Variants in TMEM117 observed in about 807,000 individuals in gnomAD.
The protein encoded by TMEM117 is transmembrane protein 117.
In TMEM117, 27 loss-of-function variants were observed where a neutral mutation model predicts 52.4. The observed-to-expected ratio is 0.51, with a 90% CI of 0.38 to 0.71. The LOEUF (loss-of-function observed/expected upper bound fraction) is 0.71. Ranked by LOEUF, TMEM117 falls within the 30% of genes least tolerant of loss-of-function variation. The probability of loss-of-function intolerance (pLI) is 0.00; values close to 1 mark genes in which losing one functional copy is unlikely to be tolerated. For missense variants in TMEM117, 556 were observed against 630.5 expected, an observed-to-expected ratio of 0.88 and a Z score of 1.26; for synonymous variants, 215 against 206.3, an observed-to-expected ratio of 1.04 and a Z score of -0.36.
chr12:43,805,431 A>G, the TMEM117 span: 1 of 401,330 alleles, frequency 2.5e-6, no homozygotes, highest in South Asian at 1.8e-5. Context: ...AAGACTCGCT[A>G]TTAACAGTAA....
intron 4 of TMEM117, among the ~76,000 whole-genome samples, chr12:44,188,322 T>C (rs1949305470): frequency 6.6e-6 from 1 of 152,160 alleles, no homozygotes; most frequent in South Asian, 2.1e-4. Context: ...TTTTTCCTTA[T>C]TGTTTTTCTG....
At chr12:43,915,016 T>A (rs529626572) in intron 2 of TMEM117, among the ~76,000 whole-genome samples, 1 of 152,146 alleles carries the variant, frequency 6.6e-6, no homozygotes, top group Non-Finnish European at 1.5e-5. Flanking sequence ...GCTTATACTG[T>A]GAGAGGAAAA....
chr12:43,945,109 C>CTAAATAAATAAATAAA (rs71091187), intron 3 of TMEM117, among the ~76,000 whole-genome samples: 84,368 of 141,396 alleles, frequency 0.6, 28,807 homozygotes, highest in Non-Finnish European at 0.75. Flanking sequence ...GACTCCGTCT[C>CTAAATAAATAAATAAA]TAAATAAATA....
chr12:44,030,508 G>C (rs1946616271), intron 3 of TMEM117, among the ~76,000 whole-genome samples: 1 of 152,170 alleles, frequency 6.6e-6, no homozygotes. Flanking sequence ...AGTGTAATGT[G>C]TATTTGAGAC....
At chr12:44,037,400 G>A (rs976343192) in intron 3 of TMEM117, among the ~76,000 whole-genome samples, 2 of 152,226 alleles carry the variant, frequency 1.3e-5, no homozygotes, top group South Asian at 4.1e-4. Flanking sequence ...GCTGAGCCTG[G>A]GTGCTGTCAC....
At position 43,996,377 on chromosome 12, in the gene TMEM117, C is replaced by T. The variant is rs563263245; in HGVS notation, c.410+52035C>T. Among the ~76,000 whole-genome samples, 6 of 152,270 alleles carry T rather than the reference C, an allele frequency of 3.9e-5. No individual in the cohort carries two copies. The East Asian group carries it at 7.7e-4, about 20-fold the overall frequency. On this transcript the variant is annotated intron_variant, in intron 3 of 7. Transcript: ENST00000266534. ...AAACATTATTGGCTGGGGCCAGTGG[C>T]TCACACCTGTAATCCCAGCCCTTTG...
At chr12:43,853,959 T>C (rs1033702736) in intron 2 of TMEM117, among the ~76,000 whole-genome samples, 1 of 151,960 alleles carries the variant, frequency 6.6e-6, no homozygotes, top group African/African-American at 2.4e-5. Flanking sequence ...ACAACTCAGC[T>C]TTTTTTTGGA....
chr12:44,194,736 C>T (rs962424730), intron 4 of TMEM117, among the ~76,000 whole-genome samples: 3 of 152,098 alleles, frequency 2.0e-5, no homozygotes, highest in African/African-American at 7.2e-5. Flanking sequence ...GAGGCTGAGG[C>T]AGGAGGGTCA....
At chr12:44,266,478 T>C (rs1466071150) in intron 5 of TMEM117, among the ~76,000 whole-genome samples, 1 of 152,166 alleles carries the variant, frequency 6.6e-6, no homozygotes, top group African/African-American at 2.4e-5. Context: ...TATTTGTCTT[T>C]TTATGGTTGA....
intron 5 of TMEM117, among the ~76,000 whole-genome samples, chr12:44,242,854 G>A (rs1950080482): frequency 1.3e-5 from 2 of 151,500 alleles, no homozygotes; most frequent in Non-Finnish European, 3.0e-5. Flanking sequence ...TTTCCATAAT[G>A]GTTGAACTAA....
At chr12:43,995,255 TTA>T (rs140936998) in intron 3 of TMEM117, among the ~76,000 whole-genome samples, 7,539 of 150,366 alleles carry the variant, frequency 0.05, 314 homozygotes, top group African/African-American at 0.11. Flanking sequence ...AGGCTCTGTC[TTA>T]AAAAAAAAAA....
chr12:44,357,701 A>G (rs1192838617), intron 6 of TMEM117, among the ~76,000 whole-genome samples: 1 of 152,152 alleles, frequency 6.6e-6, no homozygotes, highest in African/African-American at 2.4e-5. Context: ...AGGAAAGAGA[A>G]TGCTTATACA....
At chr12:44,352,585 G>A (rs1296224786) in intron 6 of TMEM117, among the ~76,000 whole-genome samples, 4 of 151,932 alleles carry the variant, frequency 2.6e-5, no homozygotes, top group African/African-American at 9.7e-5. Context: ...TGTGAATGAT[G>A]GTTTCCAGCT....
At chr12:43,861,038 G>A (rs1943480438) in intron 2 of TMEM117, among the ~76,000 whole-genome samples, 1 of 152,106 alleles carries the variant, frequency 6.6e-6, no homozygotes, top group Non-Finnish European at 1.5e-5. Flanking sequence ...AGAAGTGAAG[G>A]AAGATGCTTT....
At chr12:44,075,968 G>C (rs978202201) in intron 3 of TMEM117, among the ~76,000 whole-genome samples, 1 of 152,158 alleles carries the variant, frequency 6.6e-6, no homozygotes, top group Non-Finnish European at 1.5e-5. Flanking sequence ...CTGAGTCCTA[G>C]CAGTGCTGAC....
In TMEM117 at chr12:43,844,619, T is replaced by C. The variant is rs200762083; in HGVS notation, c.-28-5T>C. On this transcript the variant is annotated splice_region_variant and splice_polypyrimidine_tract_variant and intron_variant, in intron 1 of 7. Transcript: ENST00000266534. ...CTCTAACCCTATCTATCTTTTCTTA[T>C]ACAGGTAAACTACGAACTGGGAGTT... is the stretch of plus-strand genomic sequence containing the variant. The C allele has an allele frequency of 6.3e-6, 10 of 1,597,196 alleles. No homozygotes were observed. The highest frequency in any genetic ancestry group is 8.5e-6 in the Non-Finnish European group (10 of 1,173,190).
intron 3 of TMEM117, among the ~76,000 whole-genome samples, chr12:44,075,117 T>C (rs1947361600): frequency 6.6e-6 from 1 of 152,236 alleles, no homozygotes; most frequent in African/African-American, 2.4e-5. Context: ...TTTGTCTACA[T>C]GTAAGAGACT....
chr12:43,953,944 TA>T (rs1279741616), intron 3 of TMEM117, among the ~76,000 whole-genome samples: 2 of 152,148 alleles, frequency 1.3e-5, no homozygotes, highest in Non-Finnish European at 2.9e-5. Context: ...ACTGAAATCA[TA>T]ACAAAAGTCT....
At chr12:43,969,356 T>TAAAAATAC (rs1555189081) in intron 3 of TMEM117, among the ~76,000 whole-genome samples, 1 of 79,568 alleles carries the variant, frequency 1.3e-5, no homozygotes, top group African/African-American at 7.2e-5. Context: ...CCGTCTCTAC[T>TAAAAATAC]AAAAAAAAAA....
Sources: allele counts gnomAD v4.1 joint callset (sites outside exome capture counted in the v4.1 genomes callset), GRCh38; gene constraint gnomAD v4.1.1; transcripts MANE v1.5; gene names NCBI Gene and HGNC (gene_info 2026-07-23, HGNC 2026-07-21).